The following DLG3 variants were observed in gnomAD, a reference collection of about 807,000 sequenced individuals.
The protein encoded by DLG3 is discs large MAGUK scaffold protein 3, also known as disks large homolog 3.
DLG3 carries 1 observed loss-of-function variant against 64.1 expected under a neutral mutation model. The ratio of observed to expected loss-of-function variants is 0.02; its 90% CI spans 0.01 to 0.07. DLG3 has a LOEUF of 0.07. Among genes scored for constraint, DLG3 ranks in the 10% least tolerant of loss-of-function variants. The pLI is 1.00. For synonymous variants in DLG3, 245 were observed against 259.8 expected (o/e 0.94, Z 0.55); for missense variants, 429 against 669.5 (o/e 0.64, Z 3.96).
chrX:70,465,518 GCATTTAAAAGTATATTA>G (rs1171550115), intron 9 of DLG3, among the ~76,000 whole-genome samples: 1 of 111,656 alleles, frequency 9.0e-6, no homozygotes, highest in Non-Finnish European at 1.9e-5. Context: ...TTTTTCTCCT[GCATTTAAAAGTATATTA>G]CATTTAGATT....
intron 9 of DLG3, among the ~76,000 whole-genome samples, chrX:70,463,262 C>T (rs1339612425): frequency 9.0e-6 from 1 of 111,589 alleles, no homozygotes; most frequent in Non-Finnish European, 1.9e-5. Context: ...ATTGTCCTGA[C>T]TCAGCCTTCC....
chrX:70,455,256 G>C, intron 9 of DLG3: 1 of 754,554 alleles, frequency 1.3e-6, no homozygotes, highest in Non-Finnish European at 1.6e-6. Context: ...ACTCCGACCC[G>C]GCGCCAGGTG....
At chrX:70,487,204 C>T (rs188006989) in intron 10 of DLG3, among the ~76,000 whole-genome samples, 1 of 111,517 alleles carries the variant, frequency 9.0e-6, no homozygotes, top group African/African-American at 3.3e-5. Flanking sequence ...TGAAGTTGGT[C>T]CCATAAAGCC....
intron 5 of DLG3, 146 bp from the exon 6 acceptor site, chrX:70,450,493 C>A: frequency 1.1e-6 from 1 of 919,106 alleles, no homozygotes; most frequent in Non-Finnish European, 1.5e-6. Context: ...TTGCCCTATC[C>A]CCTACCTCCT....
At position 70,445,675 on chromosome X, in the gene DLG3, C is replaced by G. The variant is rs768874251; in HGVS notation, c.357+117C>G. ...GGCTCCAAGCCTGTGGACCCCGAGCCCTAGCATTGCAGCTGGGCAAAGAGA... is the reference window on the plus strand; with the variant it reads ...GGCTCCAAGCCTGTGGACCCCGAGCGCTAGCATTGCAGCTGGGCAAAGAGA... On this transcript the variant is annotated intron_variant, in intron 1 of 18. Transcript: ENST00000374360. The G allele has an allele frequency of 3.9e-3, 2,634 of 670,619 alleles. 2 individuals are homozygous for G. The highest frequency in any genetic ancestry group is 5.4e-3 in the Non-Finnish European group (2,363 of 436,918). 55.3% of individuals were successfully genotyped at this position (670,619 alleles called of 1,213,427 possible). A position where few individuals can be genotyped will look rare whatever the true frequency, so the allele number is the denominator to read the frequency against.
chrX:70,501,053 G>T (rs1329527337), intron 18 of DLG3, 64 bp downstream of exon 18: 7 of 868,516 alleles, frequency 8.1e-6, no homozygotes, highest in African/African-American at 2.0e-5. Context: ...TTCTATAAGT[G>T]TCTCAAAGAG....
At chrX:70,472,189 C>T (rs2147824178) in intron 9 of DLG3, among the ~76,000 whole-genome samples, 1 of 112,028 alleles carries the variant, frequency 8.9e-6, no homozygotes, top group Admixed American at 9.5e-5. Context: ...AAGGAAAGAA[C>T]CCATCATGTT....
rs796396273 is a variant in DLG3 at position 70,501,409 on chromosome X, C to CTGTGTGTGTG, written c.2347+423_2347+424insGTGTGTGTGT. Among the ~76,000 whole-genome samples the CTGTGTGTGTG allele has an allele frequency of 8.3e-3, 622 of 75,088 alleles. 1 individual carries two copies. Among genetic ancestry groups the CTGTGTGTGTG allele is most frequent in the African/African-American group, 0.018 (354 of 19,453 alleles). 65.2% of individuals were successfully genotyped at this position (75,088 alleles called of 115,157 possible). A position where few individuals can be genotyped will look rare whatever the true frequency, so the allele number is the denominator to read the frequency against. On this transcript the variant is annotated intron_variant, in intron 18 of 18. Coordinates refer to ENST00000374360, the MANE Select transcript of DLG3 (RefSeq NM_021120.4). ...GTTGTCTGTTGGGGTGTCTGTCTGT[C>CTGTGTGTGTG]TGTCTGTGTGTGTGTGTGTGTGTGT...
intron 10 of DLG3, among the ~76,000 whole-genome samples, chrX:70,490,158 C>T (rs1016221344): frequency 4.4e-4 from 49 of 112,344 alleles, no homozygotes; most frequent in Admixed American, 1.0e-3. Flanking sequence ...CCACCGCGCC[C>T]GGCCTCCTAA....
intron 10 of DLG3, among the ~76,000 whole-genome samples, chrX:70,479,838 G>T (rs184685120): frequency 8.1e-5 from 9 of 111,240 alleles, no homozygotes; most frequent in Admixed American, 2.9e-4. Context: ...AGAGGGAGGG[G>T]GTGGAGGGAA....
At chrX:70,462,539 C>T (rs1029647700) in intron 9 of DLG3, among the ~76,000 whole-genome samples, 21 of 111,323 alleles carry the variant, frequency 1.9e-4, no homozygotes, top group Non-Finnish European at 3.0e-4. Context: ...ATTACAGGCG[C>T]GAGCCACCAT....
intron 10 of DLG3, among the ~76,000 whole-genome samples, chrX:70,490,763 A>G (rs998020006): frequency 1.8e-5 from 2 of 112,205 alleles, no homozygotes; most frequent in Non-Finnish European, 3.8e-5. Context: ...CTGTGTGTGC[A>G]AAGGTGTGAA....
At chrX:70,465,731 A>G (rs974960535) in intron 9 of DLG3, among the ~76,000 whole-genome samples, 7 of 111,714 alleles carry the variant, frequency 6.3e-5, no homozygotes, top group African/African-American at 2.3e-4. Context: ...GAAGGAGATT[A>G]TTGGCTTTAA....
chrX:70,482,740 G>A (rs1312021283), intron 10 of DLG3, among the ~76,000 whole-genome samples: 1 of 98,005 alleles, frequency 1.0e-5, no homozygotes, highest in Non-Finnish European at 2.0e-5. Context: ...GCGCGATATA[G>A]GCTCACTACA....
At chrX:70,480,882 C>T (rs2087142821) in intron 10 of DLG3, among the ~76,000 whole-genome samples, 2 of 111,935 alleles carry the variant, frequency 1.8e-5, no homozygotes, top group African/African-American at 6.5e-5. Flanking sequence ...GACATTGGCT[C>T]CCGATATGGA....
rs1027628060 is a variant in DLG3 at position 70,449,087 on chromosome X, C to T, written c.408+124C>T. On this transcript the variant is annotated intron_variant, in intron 2 of 18. Transcript: ENST00000374360. ...CTGCATTTAGAGGATGGTGAAACAG[C>T]GGCCCTCAGAGGCTGCTTCACTGCA... The T allele has an allele frequency of 7.1e-6, 6 of 842,413 alleles. No homozygotes were observed. In the South Asian group the frequency reaches 8.7e-5, roughly 12 times the overall value. The allele number at this position is 842,413 out of a possible 1,213,427, so 69.4% of individuals were successfully genotyped here.
intron 1 of DLG3, chrX:70,448,437 A>G (rs920134132): frequency 8.2e-6 from 4 of 487,178 alleles, no homozygotes; most frequent in Non-Finnish European, 1.4e-5. Context: ...GTTCGGACAC[A>G]GTGGGAGTCT....
chrX:70,489,690 T>A, intron 10 of DLG3, among the ~76,000 whole-genome samples: 1 of 111,591 alleles, frequency 9.0e-6, no homozygotes, highest in African/African-American at 3.3e-5. Context: ...AGAAAACATG[T>A]TTACGTCAAC....
chrX:70,446,951 C>A (rs750356772), intron 1 of DLG3, among the ~76,000 whole-genome samples: 1 of 112,560 alleles, frequency 8.9e-6, no homozygotes, highest in Admixed American at 9.3e-5. Flanking sequence ...TCAGTTCTGG[C>A]CTTCTGTCTG....
Sources: gnomAD v4.1 joint callset for allele counts (sites outside exome capture counted in the v4.1 genomes callset) on GRCh38, gnomAD v4.1.1 for gene constraint, MANE v1.5 for transcripts, NCBI Gene and HGNC (gene_info 2026-07-23, HGNC 2026-07-21) for gene names.